Variants in ITPR1 observed in about 807,000 individuals in gnomAD.
ITPR1 encodes inositol 1,4,5-trisphosphate receptor type 1, also known as inositol 1,4,5-trisphosphate-gated calcium channel ITPR1.
A neutral mutation model predicts 318.4 loss-of-function variants in ITPR1; 96 were observed. The ratio of observed to expected loss-of-function variants is 0.30; its 90% CI spans 0.26 to 0.36. The LOEUF is 0.36. Ranked by LOEUF, ITPR1 falls within the 10% of genes least tolerant of loss-of-function variation. The pLI, the probability that ITPR1 is intolerant of heterozygous loss-of-function variation, is 1.00. For synonymous variants in ITPR1, 1,312 were observed against 1,289.9 expected (o/e 1.02, Z -0.37); for missense variants, 2,440 against 3,460.2 (o/e 0.71, Z 7.40).
intron 4 of ITPR1, among the ~76,000 whole-genome samples, chr3:4,533,441 G>T (rs2124956642): frequency 6.6e-6 from 1 of 152,242 alleles, no homozygotes; most frequent in East Asian, 2.0e-4. Context: ...GGCTGCCATG[G>T]TGAATAACAC....
intron 4 of ITPR1, among the ~76,000 whole-genome samples, chr3:4,602,677 A>G (rs2091386773): frequency 6.6e-6 from 1 of 152,198 alleles, no homozygotes; most frequent in Non-Finnish European, 1.5e-5. Flanking sequence ...TTATTCAGTC[A>G]TAAAAAGGAA....
intron 55 of ITPR1, among the ~76,000 whole-genome samples, chr3:4,810,471 G>T (rs1011625929): frequency 2.0e-5 from 3 of 152,190 alleles, no homozygotes; most frequent in Non-Finnish European, 4.4e-5. Flanking sequence ...TTAGCAGAGG[G>T]CAAGCCTGGA....
At chr3:4,753,589 C>G (rs1334530604) in intron 44 of ITPR1, among the ~76,000 whole-genome samples, 1 of 152,002 alleles carries the variant, frequency 6.6e-6, no homozygotes, top group African/African-American at 2.4e-5. Flanking sequence ...CTCGGCTGTA[C>G]CCGAGAGTCA....
chr3:4,707,375 G>T (rs1226980338), intron 37 of ITPR1, among the ~76,000 whole-genome samples: 4 of 152,206 alleles, frequency 2.6e-5, no homozygotes, highest in Non-Finnish European at 5.9e-5. Flanking sequence ...AGTTGATGCT[G>T]GTTGTCAGGT....
intron 4 of ITPR1, among the ~76,000 whole-genome samples, chr3:4,625,489 G>A (rs2092792969): frequency 6.6e-6 from 1 of 152,164 alleles, no homozygotes; most frequent in Non-Finnish European, 1.5e-5. Flanking sequence ...TTCCTTAAAT[G>A]CTTGTCCAGA....
chr3:4,725,710 C>G (rs1030522231), intron 41 of ITPR1, 129 bp downstream of exon 41: 2 of 775,616 alleles, frequency 2.6e-6, no homozygotes, highest in Non-Finnish European at 4.4e-6. Flanking sequence ...AGGGAGGTCT[C>G]TAGGCTGGCT....
At position 4,795,081 on chromosome 3, in the gene ITPR1, C is replaced by T. The variant is rs1265892302; in HGVS notation, c.6825C>T (p.Tyr2275=). 1.2e-6 allele frequency: 2 copies of T among 1,613,352 alleles called. No individual in the cohort carries two copies. Among genetic ancestry groups the T allele is most frequent in the East Asian group, 2.2e-5 (1 of 44,864 alleles). ...QKKLRAQPVL[Y]WCARNMSFWS... ...TCTCTGCAGCCCAGCCCGTGTTGTA[C>T]TGGTGTGCCCGCAACATGTCTTTCT... Residue 2275 remains tyrosine, a synonymous_variant, in exon 53 of 62, where the codon TAC becomes TAT. Coordinates refer to ENST00000649015, the MANE Select transcript of ITPR1 (RefSeq NM_001378452.1).
chr3:4,800,328 A>G (rs1432546137), intron 53 of ITPR1, 97 bp from the exon 54 acceptor site: 3 of 1,313,804 alleles, frequency 2.3e-6, no homozygotes, highest in South Asian at 1.4e-5. Context: ...AAGCCAAAAA[A>G]GTTATTGAGG....
At chr3:4,510,713 A>G (rs1163813734) in intron 2 of ITPR1, among the ~76,000 whole-genome samples, 2 of 152,198 alleles carry the variant, frequency 1.3e-5, no homozygotes, top group Non-Finnish European at 2.9e-5. Context: ...AGTAAATGTG[A>G]ACTTGTAACT....
intron 10 of ITPR1, among the ~76,000 whole-genome samples, 179 bp from the exon 11 acceptor site, chr3:4,651,944 C>G (rs2093607084): frequency 6.6e-6 from 1 of 152,228 alleles, no homozygotes. Flanking sequence ...TGGAGAGACA[C>G]TGCTTACTTT....
intron 20 of ITPR1, 147 bp from the exon 21 acceptor site, chr3:4,672,989 G>A (rs2094117963): frequency 1.3e-6 from 1 of 779,204 alleles, no homozygotes; most frequent in East Asian, 2.7e-5. Flanking sequence ...CAAAATCCTG[G>A]TATACAAGAG....
At chr3:4,782,776 C>G in intron 50 of ITPR1, 35 bp downstream of exon 50, 1 of 1,429,712 alleles carries the variant, frequency 7.0e-7, no homozygotes, top group Non-Finnish European at 9.2e-7. Flanking sequence ...TGGATGCTGC[C>G]TCCCTACAGG....
rs1345044500 is a variant in ITPR1, at chr3:4,505,898, A to G, written c.-16-10578A>G. On this transcript the variant is annotated intron_variant, in intron 2 of 61. Coordinates refer to ENST00000649015, the MANE Select transcript of ITPR1 (RefSeq NM_001378452.1). Reference sequence around the variant, plus strand: ...TTTTGTATATTCACTTGTCATTTGGACTTTGCTGTTTGGCAGAGCTGATCC... The same window carrying G: ...TTTTGTATATTCACTTGTCATTTGGGCTTTGCTGTTTGGCAGAGCTGATCC... 2.0e-5 allele frequency among the ~76,000 whole-genome samples: 3 copies of G among 152,112 alleles called. No individual in the cohort carries two copies. The East Asian group carries it at 5.8e-4, about 29-fold the overall frequency.
At chr3:4,516,269 C>A (rs1040322456) in intron 2 of ITPR1, among the ~76,000 whole-genome samples, 2 of 152,136 alleles carry the variant, frequency 1.3e-5, no homozygotes, top group African/African-American at 4.8e-5. Flanking sequence ...TTGGAATATC[C>A]TGAAATTAGA....
At chr3:4,749,230 C>G (rs1215164812) in intron 44 of ITPR1, 1 of 152,212 alleles carries the variant, frequency 6.6e-6, no homozygotes, top group African/African-American at 2.4e-5. Flanking sequence ...TGAGCACTTG[C>G]AGAACCATAA....
Position 4,667,650 on chromosome 3 carries a change from A to G in ITPR1, c.1886+101A>G, listed in dbSNP as rs530515583. Reference sequence around the variant, plus strand: ...TACGTTTCCTTGTGCTGCTAGTGACAAGTTTTGATTAGTTAGGTCTGGAGA... The same window carrying G: ...TACGTTTCCTTGTGCTGCTAGTGACGAGTTTTGATTAGTTAGGTCTGGAGA... On this transcript the variant is annotated intron_variant, in intron 18 of 61. Coordinates refer to ENST00000649015, the MANE Select transcript of ITPR1 (RefSeq NM_001378452.1). The G allele has an allele frequency of 2.9e-5, 34 of 1,181,740 alleles. 1 individual carries two copies. The South Asian group carries it at 5.8e-4, about 20-fold the overall frequency. The allele number at this position is 1,181,740 out of a possible 1,614,324, so 73.2% of individuals were successfully genotyped here.
chr3:4,649,657 G>A (rs1336871115), intron 10 of ITPR1, among the ~76,000 whole-genome samples: 1 of 152,180 alleles, frequency 6.6e-6, no homozygotes, highest in African/African-American at 2.4e-5. Flanking sequence ...TGATGTCTGA[G>A]TCCAAATCAG....
intron 44 of ITPR1, among the ~76,000 whole-genome samples, chr3:4,746,982 G>C (rs1043396095): frequency 5.3e-5 from 8 of 152,156 alleles, no homozygotes; most frequent in African/African-American, 1.7e-4. Context: ...TGTTACTTTA[G>C]CCTTCTTACC....
At chr3:4,641,445 C>T (rs1026677172) in intron 6 of ITPR1, among the ~76,000 whole-genome samples, 2 of 152,142 alleles carry the variant, frequency 1.3e-5, no homozygotes, top group Admixed American at 6.5e-5. Flanking sequence ...GGTGTGATTT[C>T]GGCTCACTGT....
Sources: gnomAD v4.1 joint callset for allele counts (sites outside exome capture counted in the v4.1 genomes callset) on GRCh38, gnomAD v4.1.1 for gene constraint, MANE v1.5 for transcripts, NCBI Gene and HGNC (gene_info 2026-07-23, HGNC 2026-07-21) for gene names.